The following FADS2 variants were observed in gnomAD, a reference collection of about 807,000 sequenced individuals.
FADS2 encodes acyl-CoA 6-desaturase.
FADS2 carries 18 observed loss-of-function variants against 61.2 expected under a neutral mutation model. The observed-to-expected ratio is 0.29, with a 90% CI of 0.20 to 0.44. The LOEUF (loss-of-function observed/expected upper bound fraction) is 0.44. Among genes scored for constraint, FADS2 ranks in the 20% least tolerant of loss-of-function variants. FADS2 has a pLI of 1.00. For synonymous variants in FADS2, 203 were observed against 223.9 expected, an observed-to-expected ratio of 0.91 and a Z score of 0.83; for missense variants, 322 against 572.7, an observed-to-expected ratio of 0.56 and a Z score of 4.47.
At position 61,863,736 on chromosome 11, in the gene FADS2, C is replaced by G; in HGVS notation, c.1107C>G (p.Ser369=). The change falls in exon 10 of 12, where the codon TCC becomes TCG. Residue 369 remains serine (S), a synonymous_variant. Coordinates refer to ENST00000278840, the MANE Select transcript of FADS2 (RefSeq NM_004265.4). The part of the protein sequence containing the change: ...QLTATCNVEQ[S]FFNDWFSGHL... Reference sequence around the variant, plus strand: ...CAGCCACCTGCAACGTGGAGCAGTCCTTCTTCAACGACTGGTTCAGTGGAC... The same window carrying G: ...CAGCCACCTGCAACGTGGAGCAGTCGTTCTTCAACGACTGGTTCAGTGGAC... 6.2e-7 allele frequency: 1 copy of G among 1,614,146 alleles called. No individual in the cohort carries two copies. Among genetic ancestry groups the G allele is most frequent in the Non-Finnish European group, 8.5e-7 (1 of 1,179,948 alleles).
intron 8 of FADS2, 42 bp from the exon 9 acceptor site, chr11:61,863,214 AGAGTGGATCTGTTCCCACTGTGGCTG>A: frequency 6.1e-6 from 9 of 1,469,374 alleles, no homozygotes; most frequent in African/African-American, 1.4e-5. Context: ...GCTGGTTGGG[AGAGTGGATCTGTTCCCACTGTGGCTG>A]GGCCCCCGGA....
chr11:61,821,586 C>T (rs1292581427), intron 1 of FADS2: 5 of 587,630 alleles, frequency 8.5e-6, no homozygotes, highest in African/African-American at 1.9e-5. Flanking sequence ...TGTGCTCAGC[C>T]TCTGCTGCAG....
chr11:61,837,582 G>A lies in FADS2; in HGVS notation c.208-196G>A, dbSNP rs1212768299. ...CACCAGCACAGAAGCCCAGGTGGCT[G>A]TTGCCATTGGCGTTGGGCACTGAGG... On this transcript the variant is annotated intron_variant, in intron 1 of 11. Coordinates refer to ENST00000278840, the MANE Select transcript of FADS2 (RefSeq NM_004265.4). Among the ~76,000 whole-genome samples, 3 of 152,366 alleles carry A rather than the reference G, an allele frequency of 2.0e-5. No individual in the cohort carries two copies. In the East Asian group the frequency reaches 5.8e-4, roughly 29 times the overall value.
intron 2 of FADS2, among the ~76,000 whole-genome samples, chr11:61,839,436 C>A (rs2067200724): frequency 1.3e-5 from 2 of 151,950 alleles, no homozygotes; most frequent in Non-Finnish European, 2.9e-5. Flanking sequence ...AGTTCTCCTG[C>A]CTCAGCCTCC....
At chr11:61,831,909 G>A (rs977772268) in intron 1 of FADS2, among the ~76,000 whole-genome samples, 3 of 152,158 alleles carry the variant, frequency 2.0e-5, no homozygotes, top group African/African-American at 4.8e-5. Flanking sequence ...CTAAGAGCGT[G>A]TCTGCTCTTT....
chr11:61,860,153 A>C (rs2067400813), intron 7 of FADS2, among the ~76,000 whole-genome samples: 1 of 152,112 alleles, frequency 6.6e-6, no homozygotes. Flanking sequence ...GACACTTTTA[A>C]TTGTCACAAC....
chr11:61,850,044 A>T (rs181077635), intron 5 of FADS2, among the ~76,000 whole-genome samples: 2 of 152,300 alleles, frequency 1.3e-5, no homozygotes, highest in East Asian at 1.9e-4. Context: ...AAATAAAAAA[A>T]TAAAAAACAA....
Position 61,845,030 on chromosome 11 carries a change from C to CTTTT in FADS2, c.619-3101_619-3098dup, listed in dbSNP as rs71046747. Among the ~76,000 whole-genome samples the CTTTT allele has an allele frequency of 3.6e-4, 16 of 44,164 alleles. 5 individuals carry two copies. Among genetic ancestry groups the CTTTT allele is most frequent in the African/African-American group, 1.1e-3 (13 of 11,492 alleles). The allele number at this position is 44,164 out of a possible 152,430, so 29.0% of individuals were successfully genotyped here. ...TGTTTCCATTAAAGCCAGAAGTGCA[C>CTTTT]TTTTTTTTTTTTTTTTTTTTTTTTT... On this transcript the variant is annotated intron_variant, in intron 4 of 11. Coordinates refer to ENST00000278840, the MANE Select transcript of FADS2 (RefSeq NM_004265.4).
At chr11:61,827,198 C>T (rs2067092560), upstream of FADS2, among the ~76,000 whole-genome samples, 1 of 152,192 alleles carries the variant, frequency 6.6e-6, no homozygotes, top group Non-Finnish European at 1.5e-5. This position sits in a 1 kb window ranked among gnomAD's most constrained non-coding sequence, Gnocchi z 4.5. Context: ...TCTTGCCCCA[C>T]GCCTAAAAGA....
chr11:61,863,993 C>A (rs2067440373), intron 10 of FADS2: 1 of 546,444 alleles, frequency 1.8e-6, no homozygotes, highest in South Asian at 2.7e-5. Context: ...CATCCTGTGC[C>A]CCTCATGCTG....
At chr11:61,842,217 A>G (rs1245438787) in intron 4 of FADS2, among the ~76,000 whole-genome samples, 3 of 152,162 alleles carry the variant, frequency 2.0e-5, no homozygotes, top group Admixed American at 6.5e-5. Context: ...CTGGTGGCCA[A>G]CCACCCCTGA....
At position 61,857,442 on chromosome 11, in the gene FADS2, T is replaced by C. The variant is rs2067370597; in HGVS notation, c.806-12T>C. 1.2e-6 allele frequency: 2 copies of C among 1,613,048 alleles called. No individual in the cohort carries two copies. The highest frequency in any genetic ancestry group is 2.2e-5 in the East Asian group (1 of 44,890). On this transcript the variant is annotated splice_polypyrimidine_tract_variant and intron_variant, in intron 6 of 11. Coordinates refer to ENST00000278840, the MANE Select transcript of FADS2 (RefSeq NM_004265.4). The stretch of plus-strand genomic sequence containing the variant: ...GAATGGATGCCTCTAAGCGCCTGTC[T>C]CTCTCCTGCAGTTGGGCCGCCGCTG...
intron 5 of FADS2, 74 bp downstream of exon 5, chr11:61,848,358 A>G: frequency 6.3e-7 from 1 of 1,598,994 alleles, no homozygotes; most frequent in South Asian, 1.1e-5. Context: ...AGGTACAACT[A>G]AGGAGATGGT....
In FADS2 at chr11:61,828,617, C is replaced by T; in HGVS notation, c.207+20C>T. Reference sequence around the variant, plus strand: ...GCAACGGTAAGGGTCTGGGGGCGCCCCAGCCACCCTTCTCTGCTGCAGGCG... The same window carrying T: ...GCAACGGTAAGGGTCTGGGGGCGCCTCAGCCACCCTTCTCTGCTGCAGGCG... On this transcript the variant is annotated intron_variant, in intron 1 of 11. Coordinates refer to ENST00000278840, the MANE Select transcript of FADS2 (RefSeq NM_004265.4). This position sits in a 1 kb window ranked among gnomAD's most constrained non-coding sequence, Gnocchi z 6.4. 1 of 1,600,858 alleles carries T rather than the reference C, an allele frequency of 6.2e-7. No homozygotes were observed. The highest frequency in any genetic ancestry group is 8.5e-7 in the Non-Finnish European group (1 of 1,171,268).
chr11:61,825,766 G>A (rs181085046), upstream of FADS2, among the ~76,000 whole-genome samples: 3 of 151,796 alleles, frequency 2.0e-5, no homozygotes, highest in African/African-American at 4.8e-5. Flanking sequence ...GGTGGCAGGC[G>A]CCTGTAGTCC....
At chr11:61,857,838 C>T (rs982256363) in intron 7 of FADS2, among the ~76,000 whole-genome samples, 2 of 152,186 alleles carry the variant, frequency 1.3e-5, no homozygotes, top group African/African-American at 4.8e-5. Context: ...CTTCCCCGCT[C>T]CCTGTGGGCC....
chr11:61,828,120 T>A, upstream of FADS2: 4 of 1,355,934 alleles, frequency 3.0e-6, no homozygotes, highest in Non-Finnish European at 3.8e-6. This position sits in a 1 kb window ranked among gnomAD's most constrained non-coding sequence, Gnocchi z 6.4. Flanking sequence ...GAGGCAAAAG[T>A]CCATAGCGGG....
chr11:61,826,327 AGGCCCTGGCCGGTC>A, upstream of FADS2: 1 of 702,566 alleles, frequency 1.4e-6, no homozygotes, highest in South Asian at 1.5e-5. Flanking sequence ...TGGGGACCCC[AGGCCCTGGCCGGTC>A]CACGCTTCTC....
chr11:61,816,696 G>C lies in FADS2; in HGVS notation c.141+270G>C. On this transcript the variant is annotated intron_variant, in intron 1 of 11. Transcript: ENST00000257261. The surrounding 1 kb of genome is among the most constrained non-coding windows in gnomAD (Gnocchi z 7.0). ...CTGAGCGCTGGGCCACCTCGTCCCA[G>C]GTGAAGTAGCGCGGGGTAGGTCCCT... 6.3e-7 allele frequency: 1 copy of C among 1,582,706 alleles called. No individual in the cohort carries two copies. The highest frequency in any genetic ancestry group is 1.1e-5 in the South Asian group (1 of 87,006).
Sources: allele counts gnomAD v4.1 joint callset (sites outside exome capture counted in the v4.1 genomes callset), GRCh38; gene constraint gnomAD v4.1.1; non-coding constraint Gnocchi (gnomAD v3.1); transcripts MANE v1.5; gene names NCBI Gene and HGNC (gene_info 2026-07-23, HGNC 2026-07-21).